Variants in MUC12 observed in about 807,000 individuals in gnomAD.
MUC12 encodes the protein mucin-12.
MUC12 carries 172 observed loss-of-function variants against 230.8 expected under a neutral mutation model. That is an observed-to-expected ratio of 0.75 (90% CI 0.66 to 0.85). MUC12 has a LOEUF of 0.85. MUC12 is among the 40% of genes least tolerant of loss of function. The pLI, the probability that MUC12 is intolerant of heterozygous loss-of-function variation, is 0.00. For synonymous variants in MUC12, 1,259 were observed against 2,401.9 expected (o/e 0.52, Z 13.91); for missense variants, 3,506 against 5,920.6 (o/e 0.59, Z 13.38).
At position 100,991,613 on chromosome 7, in the gene MUC12, G is replaced by T; in HGVS notation, c.1050G>T (p.Ala350=). 1 of 1,401,214 alleles carries T rather than the reference G, an allele frequency of 7.1e-7. No homozygotes were observed. The highest frequency in any genetic ancestry group is 9.4e-7 in the Non-Finnish European group (1 of 1,065,310). 86.8% of individuals were successfully genotyped at this position (1,401,214 alleles called of 1,614,324 possible). A position where few individuals can be genotyped will look rare whatever the true frequency, so the allele number is the denominator to read the frequency against. Residue 350 remains alanine, a synonymous_variant, in exon 2 of 12, where the codon GCG becomes GCT. Transcript: ENST00000536621. ...CAACACCCCCACCTGCCCGCTCCGC[G>T]ACCTCAGGCCATGTTGAAGAATCTA... ...TATTPPPARS[A]TSGHVEESTA...
chr7:101,013,252 T>A, intron 8 of MUC12, 110 bp downstream of exon 8: 3 of 1,176,926 alleles, frequency 2.5e-6, no homozygotes, highest in Non-Finnish European at 2.4e-6. Flanking sequence ...GGGAGGTGCC[T>A]CCTCCCCACT....
At position 101,017,572 on chromosome 7, in the gene MUC12, C is replaced by T; in HGVS notation, c.15878-3C>T. On this transcript the variant is annotated splice_region_variant and splice_polypyrimidine_tract_variant and intron_variant, in intron 10 of 11. Coordinates refer to ENST00000536621, the MANE Select transcript of MUC12 (RefSeq NM_001164462.2). ...CATCACTCATCACGGCCTCTCCCTA[C>T]AGACCAGAATCTGAGGGAGAGCAGA... 6.5e-7 allele frequency: 1 copy of T among 1,532,744 alleles called. No homozygotes were observed. Among genetic ancestry groups the T allele is most frequent in the Non-Finnish European group, 8.7e-7 (1 of 1,143,452 alleles). 94.9% of individuals were successfully genotyped at this position (1,532,744 alleles called of 1,614,324 possible). A position where few individuals can be genotyped will look rare whatever the true frequency, so the allele number is the denominator to read the frequency against.
intron 1 of MUC12, among the ~76,000 whole-genome samples, chr7:100,981,919 TG>T (rs1226734992): frequency 2.1e-5 from 3 of 143,942 alleles, no homozygotes; most frequent in African/African-American, 7.7e-5. Flanking sequence ...CAGACTGGAG[TG>T]CAGTGGTGCG....
rs374539010 is a variant in MUC12 at position 101,006,829 on chromosome 7, A to C, written c.15058+257A>C. 1.8e-4 allele frequency among the ~76,000 whole-genome samples: 28 copies of C among 152,254 alleles called. No individual in the cohort carries two copies. In the East Asian group the frequency reaches 4.6e-3, roughly 25 times the overall value. On this transcript the variant is annotated intron_variant, in intron 3 of 11. Coordinates refer to ENST00000536621, the MANE Select transcript of MUC12 (RefSeq NM_001164462.2). Reference sequence around the variant, plus strand: ...ACATAGTAGATGTATATATTTATGGAGTATACATGAGATGTTTTGTTACAG... The same window carrying C: ...ACATAGTAGATGTATATATTTATGGCGTATACATGAGATGTTTTGTTACAG...
rs1304133715 is a variant in MUC12, at chr7:100,969,668, T to C, written c.46T>C (p.Ser16Pro). ...GACGCTGGCTCTCCGGCTCTGCGCG[T>C]CCGTTACTACAGTGACACCAGGTGA... ...ILTLALRLCA[S>P]VTTVTPGSTV... is the part of the protein sequence containing the mutation. Residue 16 changes from serine to proline, a missense_variant, in exon 1 of 12, where the codon TCC becomes CCC. Physicochemically the swap from Ser to Pro is moderately conservative, Grantham distance 74 (BLOSUM62 -1). Coordinates refer to ENST00000536621, the MANE Select transcript of MUC12 (RefSeq NM_001164462.2). 1 of 1,529,974 alleles carries C rather than the reference T, an allele frequency of 6.5e-7. No individual in the cohort carries two copies. Among genetic ancestry groups the C allele is most frequent in the Admixed American group, 2.0e-5 (1 of 50,194 alleles). The allele number at this position is 1,529,974 out of a possible 1,614,324, so 94.8% of individuals were successfully genotyped here. A position where few individuals can be genotyped will look rare whatever the true frequency, so the allele number is the denominator to read the frequency against.
Position 100,991,333 on chromosome 7 carries a change from G to C in MUC12, c.770G>C (p.Gly257Ala), listed in dbSNP as rs911204739. 1 of 1,537,678 alleles carries C rather than the reference G, an allele frequency of 6.5e-7. No individual in the cohort carries two copies. The highest frequency in any genetic ancestry group is 2.0e-5 in the Admixed American group (1 of 50,970). The change falls in exon 2 of 12, where the codon GGA becomes GCA. Residue 257 changes from glycine to alanine, a missense_variant. Transcript: ENST00000536621. The part of the protein sequence containing the change: ...EASTPVHSST[G>A]SPHTTLSPSS... Reference sequence around the variant, plus strand: ...TCTACGCCCGTCCACAGCAGCACTGGATCGCCACACACAACACTGTCCCCT... The same window carrying C: ...TCTACGCCCGTCCACAGCAGCACTGCATCGCCACACACAACACTGTCCCCT...
At position 100,969,611 on chromosome 7, in the gene MUC12, G is replaced by A. The variant is rs375112411; in HGVS notation, c.-12G>A. ...AGAGAAGATGGGCAGCCAGGGGCCC[G>A]TTCCCCGGGAGATGCTGGTGATCTG... On this transcript the variant is annotated 5_prime_UTR_variant, in exon 1 of 12. Transcript: ENST00000536621. The A allele has an allele frequency of 9.2e-5, 142 of 1,537,266 alleles. No individual in the cohort carries two copies. The highest frequency in any genetic ancestry group is 1.1e-4 in the Non-Finnish European group (130 of 1,146,904).
At chr7:101,017,466 G>C (rs1793949776) in intron 10 of MUC12, 109 bp from the exon 11 acceptor site, 1 of 708,092 alleles carries the variant, frequency 1.4e-6, no homozygotes, top group South Asian at 1.8e-5. Context: ...GGGAAAGGGC[G>C]TAGGGCAGAT....
At chr7:100,984,948 C>T (rs906741211) in intron 1 of MUC12, among the ~76,000 whole-genome samples, 34 of 152,164 alleles carry the variant, frequency 2.2e-4, no homozygotes, top group African/African-American at 8.2e-4. Flanking sequence ...CTCACTGCAA[C>T]CTCTGCCTCT....
intron 3 of MUC12, 23 bp from the exon 4 acceptor site, chr7:101,008,611 C>T: frequency 6.5e-7 from 1 of 1,535,286 alleles, no homozygotes; most frequent in Non-Finnish European, 8.7e-7. Context: ...CTGTCTCACG[C>T]ATACCATGGC....
chr7:100,972,784 G>T lies in MUC12; in HGVS notation c.67+3095G>T, dbSNP rs563990737. 3.6e-4 allele frequency: 244 copies of T among 685,492 alleles called. No homozygotes were observed. The East Asian group carries it at 6.5e-3, about 18-fold the overall frequency. 42.5% of individuals were successfully genotyped at this position (685,492 alleles called of 1,614,324 possible). On this transcript the variant is annotated intron_variant, in intron 1 of 11. Coordinates refer to ENST00000536621, the MANE Select transcript of MUC12 (RefSeq NM_001164462.2). Reference sequence around the variant, plus strand: ...AACTCCCAAAGTGCTGGAATGACAGGTGCGAGCCACCGCATCTGGCCCAGC... The same window carrying T: ...AACTCCCAAAGTGCTGGAATGACAGTTGCGAGCCACCGCATCTGGCCCAGC...
At chr7:101,007,105 T>C (rs1386622502) in intron 3 of MUC12, among the ~76,000 whole-genome samples, 2 of 152,206 alleles carry the variant, frequency 1.3e-5, no homozygotes, top group East Asian at 1.9e-4. Flanking sequence ...ATTAGAGGCA[T>C]GGGCCACCAT....
Position 100,995,865 on chromosome 7 carries a change from G to A in MUC12, c.5302G>A (p.Glu1768Lys), listed in dbSNP as rs1374026045. Reference sequence around the variant, plus strand: ...CTCCACAACCTCAGGCCTCGTTGAAGAATCTACGGCGTACCACAGCAGCCC... The same window carrying A: ...CTCCACAACCTCAGGCCTCGTTGAAAAATCTACGGCGTACCACAGCAGCCC... ...ARSTTSGLVE[E>K]STAYHSSPGS... The change falls in exon 2 of 12, where the codon GAA (glutamate) becomes AAA (lysine). Residue 1768 changes from glutamate (E) to lysine (K), a missense_variant. Glu to Lys is a moderately conservative substitution (Grantham distance 56, BLOSUM62 1). Transcript: ENST00000536621. 3 of 1,446,512 alleles carry A rather than the reference G, an allele frequency of 2.1e-6. No homozygotes were observed. The highest frequency in any genetic ancestry group is 1.6e-5 in the African/African-American group (1 of 63,074). 89.6% of individuals were successfully genotyped at this position (1,446,512 alleles called of 1,614,324 possible).
At chr7:100,983,687 G>C (rs1407581795) in intron 1 of MUC12, among the ~76,000 whole-genome samples, 1 of 152,130 alleles carries the variant, frequency 6.6e-6, no homozygotes, top group Non-Finnish European at 1.5e-5. Context: ...TCCTGTGATA[G>C]GGCGAGTACA....
chr7:100,980,538 A>G (rs1296765484), intron 1 of MUC12, among the ~76,000 whole-genome samples: 1 of 152,222 alleles, frequency 6.6e-6, no homozygotes, highest in Non-Finnish European at 1.5e-5. Context: ...TTACTATAAT[A>G]AGTAACGAGG....
intron 1 of MUC12, among the ~76,000 whole-genome samples, chr7:100,969,974 G>T (rs112361350): frequency 3.3e-5 from 5 of 152,288 alleles, no homozygotes; most frequent in East Asian, 1.9e-4. Flanking sequence ...GGCTCCCCCC[G>T]GGAGGATGAA....
chr7:100,995,949 G>A lies in MUC12; in HGVS notation c.5386G>A (p.Glu1796Lys). 9.1e-7 allele frequency: 1 copy of A among 1,103,314 alleles called. No individual in the cohort carries two copies. Among genetic ancestry groups the A allele is most frequent in the Non-Finnish European group, 1.2e-6 (1 of 800,682 alleles). 68.3% of individuals were successfully genotyped at this position (1,103,314 alleles called of 1,614,324 possible). A position where few individuals can be genotyped will look rare whatever the true frequency, so the allele number is the denominator to read the frequency against. The change falls in exon 2 of 12, where the codon GAA becomes AAA. Residue 1796 changes from glutamate to lysine, a missense_variant. By Grantham distance (56) the Glu-to-Lys change is moderately conservative (BLOSUM62 1). Transcript: ENST00000536621. ...ESSTASGRSE[E>K]SRTSHSSTTH... ...CTCCACAGCTTCAGGTCGTAGTGAAGAATCAAGAACTTCCCACAGCAGCAC... is the reference window on the plus strand; with the variant it reads ...CTCCACAGCTTCAGGTCGTAGTGAAAAATCAAGAACTTCCCACAGCAGCAC...
At position 101,003,175 on chromosome 7, in the gene MUC12, T is replaced by TTCGTC; in HGVS notation, c.12612_12613insTCGTC (p.Ala4205SerfsTer301). The TTCGTC allele has an allele frequency of 1.2e-6, 1 of 848,442 alleles. No individual in the cohort carries two copies. The highest frequency in any genetic ancestry group is 1.8e-5 in the South Asian group (1 of 55,914). The allele number at this position is 848,442 out of a possible 1,614,324, so 52.6% of individuals were successfully genotyped here. On this transcript the variant is annotated frameshift_variant, in exon 2 of 12. Coordinates refer to ENST00000536621, the MANE Select transcript of MUC12 (RefSeq NM_001164462.2). LOFTEE classifies it high-confidence loss of function. ...GATCACCGGACACAACACTTTCACC[T>TTCGTC]GCCAGCACGACAAGCTCAGGCGTCA... is the stretch of plus-strand genomic sequence containing the variant.
At chr7:100,979,041 C>T (rs990820962) in intron 1 of MUC12, among the ~76,000 whole-genome samples, 8 of 152,222 alleles carry the variant, frequency 5.3e-5, no homozygotes, top group Middle Eastern at 3.4e-3. Flanking sequence ...AACTCCTGGC[C>T]TCAAGCAAAC....
Sources: allele counts gnomAD v4.1 joint callset (sites outside exome capture counted in the v4.1 genomes callset), GRCh38; gene constraint gnomAD v4.1.1; transcripts MANE v1.5; gene names NCBI Gene and HGNC (gene_info 2026-07-23, HGNC 2026-07-21).